Variants in CNTNAP2 observed in about 807,000 individuals in gnomAD.
CNTNAP2 encodes the protein contactin-associated protein-like 2.
In CNTNAP2, 98 loss-of-function variants were observed where a neutral mutation model predicts 155.2. That is an observed-to-expected ratio of 0.63 (90% CI 0.54 to 0.75). The LOEUF (loss-of-function observed/expected upper bound fraction) is 0.75, where lower values mean the gene tolerates loss of function less well. Ranked by LOEUF, CNTNAP2 falls within the 30% of genes least tolerant of loss-of-function variation. The pLI is 0.00. For synonymous variants in CNTNAP2, 651 were observed against 631.2 expected, an observed-to-expected ratio of 1.03 and a Z score of -0.47; for missense variants, 1,727 against 1,688.1, an observed-to-expected ratio of 1.02 and a Z score of -0.40.
At chr7:146,464,683 G>T (rs1214252942) in intron 1 of CNTNAP2, among the ~76,000 whole-genome samples, 1 of 151,940 alleles carries the variant, frequency 6.6e-6, no homozygotes, top group Non-Finnish European at 1.5e-5. Flanking sequence ...ACGTTATTCT[G>T]AAGTGATCCA....
intron 7 of CNTNAP2, among the ~76,000 whole-genome samples, chr7:147,129,546 T>C (rs1801308119): frequency 6.6e-6 from 1 of 152,152 alleles, no homozygotes; most frequent in Non-Finnish European, 1.5e-5. Context: ...AGTATGAGAG[T>C]TCCCTATGGC....
chr7:146,298,285 A>G (rs1295785114), intron 1 of CNTNAP2, among the ~76,000 whole-genome samples: 1 of 152,204 alleles, frequency 6.6e-6, no homozygotes, highest in Non-Finnish European at 1.5e-5. Flanking sequence ...CAAAAAGTCT[A>G]TACTGTTCAC....
Position 146,142,462 on chromosome 7 carries a change from G to C in CNTNAP2, c.97+25489G>C, listed in dbSNP as rs899826137. Among the ~76,000 whole-genome samples, 5 of 152,074 alleles carry C rather than the reference G, an allele frequency of 3.3e-5. No homozygotes were observed. In the East Asian group the frequency reaches 9.6e-4, roughly 29 times the overall value. ...CTATGAAAGAAAAGAGAAAAATAAA[G>C]AACACCCAAGTTTTCATGAAAGAGC... On this transcript the variant is annotated intron_variant, in intron 1 of 23. Transcript: ENST00000361727.
chr7:147,354,859 G>A (rs965324884), intron 9 of CNTNAP2, among the ~76,000 whole-genome samples: 12 of 152,084 alleles, frequency 7.9e-5, no homozygotes, highest in Admixed American at 2.0e-4. Context: ...CACATCCCAT[G>A]TAAGTTGTAT....
At chr7:147,372,420 T>G (rs1478408082) in intron 9 of CNTNAP2, among the ~76,000 whole-genome samples, 1 of 152,248 alleles carries the variant, frequency 6.6e-6, no homozygotes, top group South Asian at 2.1e-4. Context: ...ACATTTCATC[T>G]TTCTTGTGTG....
At chr7:146,738,887 G>T (rs929027201) in intron 1 of CNTNAP2, among the ~76,000 whole-genome samples, 29 of 150,390 alleles carry the variant, frequency 1.9e-4, no homozygotes, top group African/African-American at 6.8e-4. Flanking sequence ...TGTATATCAA[G>T]GAATTAATCC....
intron 15 of CNTNAP2, chr7:148,056,734 C>T (rs1803018960): frequency 6.6e-6 from 1 of 152,196 alleles, no homozygotes; most frequent in African/African-American, 2.4e-5. Context: ...ATATCCTAAA[C>T]ACAAACAACT....
intron 21 of CNTNAP2, among the ~76,000 whole-genome samples, chr7:148,299,684 G>A (rs1438418505): frequency 6.6e-6 from 1 of 152,136 alleles, no homozygotes; most frequent in Non-Finnish European, 1.5e-5. Context: ...CAACCTAATT[G>A]TTTCACAGAC....
rs550939590 is a variant in CNTNAP2, at chr7:146,504,469, C to A, written c.98-269802C>A. On this transcript the variant is annotated intron_variant, in intron 1 of 23. Transcript: ENST00000361727. ...AAAACAGCACAGATGCCACCTTGGG[C>A]AGCAATCAATATGTAGGCCTATCAG... Among the ~76,000 whole-genome samples the A allele has an allele frequency of 2.0e-5, 3 of 152,308 alleles. No homozygotes were observed. In the East Asian group the frequency reaches 5.8e-4, roughly 29 times the overall value.
At chr7:146,697,831 CTTTCTAGCCATTGTCCTTG>C (rs1329956268) in intron 1 of CNTNAP2, among the ~76,000 whole-genome samples, 1 of 152,028 alleles carries the variant, frequency 6.6e-6, no homozygotes, top group Non-Finnish European at 1.5e-5. Flanking sequence ...TTTATAACTG[CTTTCTAGCCATTGTCCTTG>C]TTTTTGTTTT....
At chr7:147,610,278 G>T (rs1385760071) in intron 12 of CNTNAP2, among the ~76,000 whole-genome samples, 1 of 148,456 alleles carries the variant, frequency 6.7e-6, no homozygotes, top group African/African-American at 2.5e-5. Context: ...AAAGTTTAAG[G>T]GTGTTGTAGT....
chr7:146,286,022 G>C (rs1237982471), intron 1 of CNTNAP2, among the ~76,000 whole-genome samples: 9 of 99,918 alleles, frequency 9.0e-5, no homozygotes, highest in African/African-American at 3.9e-4. Flanking sequence ...GTGTGTGTGT[G>C]TCTCTGCCTG....
At chr7:146,319,931 A>G (rs1335109215) in intron 1 of CNTNAP2, among the ~76,000 whole-genome samples, 2 of 152,112 alleles carry the variant, frequency 1.3e-5, no homozygotes, top group African/African-American at 2.4e-5. Context: ...TTTTGATTTT[A>G]CACAGTAAAC....
At chr7:146,201,550 A>T (rs1798860561) in intron 1 of CNTNAP2, among the ~76,000 whole-genome samples, 1 of 152,148 alleles carries the variant, frequency 6.6e-6, no homozygotes, top group African/African-American at 2.4e-5. Context: ...TTAAAAGTGG[A>T]AAATGATAAT....
intron 10 of CNTNAP2, among the ~76,000 whole-genome samples, chr7:147,413,619 C>T (rs1274177198): frequency 6.6e-6 from 1 of 152,040 alleles, no homozygotes; most frequent in Non-Finnish European, 1.5e-5. Context: ...TATTTTAGTT[C>T]AGTACTTCTC....
intron 10 of CNTNAP2, among the ~76,000 whole-genome samples, chr7:147,416,646 C>A (rs958719469): frequency 2.3e-4 from 35 of 152,132 alleles, no homozygotes; most frequent in Non-Finnish European, 3.8e-4. Flanking sequence ...ATATGTTGCT[C>A]ATCAACATAT....
At chr7:148,392,258 G>C (rs1229778598) in intron 22 of CNTNAP2, among the ~76,000 whole-genome samples, 2 of 152,130 alleles carry the variant, frequency 1.3e-5, no homozygotes, top group African/African-American at 2.4e-5. Flanking sequence ...GTTTTTAGTA[G>C]AGACGGGGTT....
intron 9 of CNTNAP2, among the ~76,000 whole-genome samples, chr7:147,321,949 T>C (rs576925792): frequency 3.3e-5 from 5 of 152,334 alleles, no homozygotes; most frequent in East Asian, 3.9e-4. Context: ...AAGATGAAGA[T>C]TTCTTCCTTT....
rs374473390 is a variant in CNTNAP2, at chr7:146,133,894, C to T, written c.97+16921C>T. 1.4e-3 allele frequency among the ~76,000 whole-genome samples: 219 copies of T among 151,894 alleles called. 5 individuals carry two copies. In the East Asian group the frequency reaches 0.037, roughly 26 times the overall value. On this transcript the variant is annotated intron_variant, in intron 1 of 23. Coordinates refer to ENST00000361727, the MANE Select transcript of CNTNAP2 (RefSeq NM_014141.6). The stretch of plus-strand genomic sequence containing the variant: ...TTGGCTTAGGATTGACTTGGCGATG[C>T]GGGCTCTTTTTTGGTTCCATATGAA...
Sources: gnomAD v4.1 joint callset for allele counts (sites outside exome capture counted in the v4.1 genomes callset) on GRCh38, gnomAD v4.1.1 for gene constraint, MANE v1.5 for transcripts, NCBI Gene and HGNC (gene_info 2026-07-23, HGNC 2026-07-21) for gene names.